TRPM3: variants seen among roughly 807,000 people sequenced by gnomAD.
TRPM3 encodes long transient receptor potential channel 3.
Under a neutral mutation model 181.2 loss-of-function variants are expected in TRPM3, and 77 were observed. The observed-to-expected ratio is 0.42, with a 90% confidence interval of 0.35 to 0.51. The LOEUF (loss-of-function observed/expected upper bound fraction) is 0.51. TRPM3 is among the 20% of genes least tolerant of loss of function. The pLI is 0.01. For synonymous variants in TRPM3, 745 were observed against 796.4 expected, an observed-to-expected ratio of 0.94 and a Z score of 1.09; for missense variants, 1,759 against 2,196.7, an observed-to-expected ratio of 0.80 and a Z score of 3.98.
chr9:71,122,685 C>T (rs932899405), upstream of TRPM3, among the ~76,000 whole-genome samples: 13 of 152,166 alleles, frequency 8.5e-5, no homozygotes, highest in Non-Finnish European at 5.9e-5. Flanking sequence ...AACACAGGCC[C>T]ACCCCAGCAT....
Position 71,293,672 on chromosome 9 carries a change from G to A in TRPM3, c.183+152981C>T, listed in dbSNP as rs560277827. Among the ~76,000 whole-genome samples, 14 of 151,692 alleles carry A rather than the reference G, an allele frequency of 9.2e-5. No homozygotes were observed. The South Asian group carries it at 1.5e-3, about 16-fold the overall frequency. On this transcript the variant is annotated intron_variant, in intron 1 of 24. Coordinates refer to the TRPM3 transcript ENST00000357533. ...CCCCAAATTGATCTATACTTTTAAT[G>A]CAATTTCAGTAAAAATCCCAAGGAT...
At chr9:70,760,707 A>G (rs1564164326) in intron 8 of TRPM3, 1 of 147,830 alleles carries the variant, frequency 6.8e-6, no homozygotes, top group Non-Finnish European at 1.5e-5. Context: ...CTCTCTCAGC[A>G]GTTGGGTTTA....
Position 70,605,203 on chromosome 9 carries a change from G to A in TRPM3, c.2668-1733C>T, listed in dbSNP as rs146317495. Among the ~76,000 whole-genome samples, 237 of 152,046 alleles carry A rather than the reference G, an allele frequency of 1.6e-3. 1 individual carries two copies. Among genetic ancestry groups the A allele is most frequent in the African/African-American group, 5.4e-3 (224 of 41,504 alleles). ...ATTCCTGACCTCAAGTGATCTGCCCGCCTCGGCCTCCTAAAGTGCTGGGAT... is the reference window on the plus strand; with the variant it reads ...ATTCCTGACCTCAAGTGATCTGCCCACCTCGGCCTCCTAAAGTGCTGGGAT... On this transcript the variant is annotated intron_variant, in intron 19 of 25. Coordinates refer to ENST00000677713, the MANE Select transcript of TRPM3 (RefSeq NM_001366145.2).
At chr9:71,306,541 A>G (rs184031755) in intron 1 of TRPM3, among the ~76,000 whole-genome samples, 1 of 152,292 alleles carries the variant, frequency 6.6e-6, no homozygotes, top group East Asian at 1.9e-4. Context: ...TAAATTCACT[A>G]TTCTGATATC....
intron 1 of TRPM3, among the ~76,000 whole-genome samples, chr9:71,155,754 G>A (rs374912165): frequency 6.6e-5 from 10 of 151,932 alleles, no homozygotes; most frequent in African/African-American, 2.2e-4. Flanking sequence ...CAATACACAA[G>A]TAAAATAACA....
At chr9:71,291,049 G>T (rs778059294) in intron 1 of TRPM3, among the ~76,000 whole-genome samples, 10 of 151,952 alleles carry the variant, frequency 6.6e-5, no homozygotes, top group African/African-American at 2.2e-4. Flanking sequence ...TACTATTAAC[G>T]AAGACACAAA....
At chr9:71,241,739 T>G (rs940513869) in intron 1 of TRPM3, among the ~76,000 whole-genome samples, 17 of 152,322 alleles carry the variant, frequency 1.1e-4, no homozygotes, top group African/African-American at 3.6e-4. Context: ...TTCATAAGCT[T>G]ACTAATCTGA....
At chr9:71,210,797 A>C (rs781514151) in intron 1 of TRPM3, among the ~76,000 whole-genome samples, 1 of 152,154 alleles carries the variant, frequency 6.6e-6, no homozygotes, top group African/African-American at 2.4e-5. Context: ...ATGAAAAGGG[A>C]AAGTCTAAGG....
Position 71,373,888 on chromosome 9 carries a change from G to T in TRPM3, c.183+72765C>A, listed in dbSNP as rs117819952. Among the ~76,000 whole-genome samples, 3 of 152,188 alleles carry T rather than the reference G, an allele frequency of 2.0e-5. No individual in the cohort carries two copies. The East Asian group carries it at 5.8e-4, about 29-fold the overall frequency. On this transcript the variant is annotated intron_variant, in intron 1 of 24. Coordinates refer to the TRPM3 transcript ENST00000357533. Reference sequence around the variant, plus strand: ...TGCAAAAATCCCCACTAAAATACTGGAAACTGAATCCAGCAGCACATCAAA... The same window carrying T: ...TGCAAAAATCCCCACTAAAATACTGTAAACTGAATCCAGCAGCACATCAAA...
At chr9:71,426,338 T>C (rs2093862902) in intron 1 of TRPM3, among the ~76,000 whole-genome samples, 2 of 152,068 alleles carry the variant, frequency 1.3e-5, no homozygotes, top group Admixed American at 1.3e-4. Flanking sequence ...GGTCTGCATA[T>C]ACCACACACT....
At chr9:71,065,700 A>G (rs1168216752) in intron 1 of TRPM3, among the ~76,000 whole-genome samples, 2 of 152,212 alleles carry the variant, frequency 1.3e-5, no homozygotes, top group African/African-American at 4.8e-5. Flanking sequence ...CAGGAGATTA[A>G]GGAAAGCAAA....
chr9:70,609,258 C>G (rs79083024), intron 19 of TRPM3, among the ~76,000 whole-genome samples: 4,653 of 152,252 alleles, frequency 0.031, 244 homozygotes, highest in African/African-American at 0.11. Context: ...ATGCTTGTCA[C>G]CACTAAGCTG....
chr9:71,057,596 T>C (rs1292896309), intron 1 of TRPM3, among the ~76,000 whole-genome samples: 1 of 152,046 alleles, frequency 6.6e-6, no homozygotes, highest in Admixed American at 6.6e-5. Context: ...TATTATTAGC[T>C]CTAATCCTCA....
chr9:70,975,161 C>G (rs1467167361), intron 1 of TRPM3, among the ~76,000 whole-genome samples: 1 of 152,092 alleles, frequency 6.6e-6, no homozygotes, highest in Non-Finnish European at 1.5e-5. Flanking sequence ...AGCCACCGCA[C>G]CCCGCCTGGA....
intron 1 of TRPM3, among the ~76,000 whole-genome samples, chr9:70,991,555 G>GTTTTTTTTTTT (rs56157123): frequency 2.4e-5 from 3 of 124,534 alleles, no homozygotes; most frequent in Non-Finnish European, 3.2e-5. Flanking sequence ...CTATGTGTCT[G>GTTTTTTTTTTT]TTTTTTTTTT....
chr9:71,168,605 A>ATTT (rs148058004), intron 1 of TRPM3, among the ~76,000 whole-genome samples: 3 of 105,650 alleles, frequency 2.8e-5, no homozygotes, highest in Admixed American at 1.0e-4. Flanking sequence ...TTTTATTTTT[A>ATTT]TTTATTTTTT....
intron 1 of TRPM3, among the ~76,000 whole-genome samples, chr9:71,305,447 T>C (rs2087196970): frequency 6.6e-6 from 1 of 152,152 alleles, no homozygotes; most frequent in Non-Finnish European, 1.5e-5. Flanking sequence ...TCAAGCTTGC[T>C]GATGGCAGCT....
intron 1 of TRPM3, among the ~76,000 whole-genome samples, chr9:70,911,918 C>A (rs549278463): frequency 6.6e-6 from 1 of 152,158 alleles, no homozygotes; most frequent in Non-Finnish European, 1.5e-5. Context: ...TGTCATTGTC[C>A]GTTCTCTCCT....
At chr9:70,629,215 C>CGGGCGCGGG (rs2065250202) in intron 12 of TRPM3, among the ~76,000 whole-genome samples, 1 of 10,174 alleles carries the variant, frequency 9.8e-5, no homozygotes, top group African/African-American at 2.0e-4. Flanking sequence ...TGACCAGTGC[C>CGGGCGCGGG]GGGGGGGGGG....
Sources: allele counts gnomAD v4.1 joint callset (sites outside exome capture counted in the v4.1 genomes callset), GRCh38; gene constraint gnomAD v4.1.1; transcripts MANE v1.5; gene names NCBI Gene and HGNC (gene_info 2026-07-23, HGNC 2026-07-21).